Variants in SHANK2 observed in about 807,000 individuals in gnomAD.
SHANK2 encodes the protein SH3 and multiple ankyrin repeat domains protein 2.
SHANK2 carries 43 observed loss-of-function variants against 133.7 expected under a neutral mutation model. The ratio of observed to expected loss-of-function variants is 0.32; its 90% confidence interval spans 0.25 to 0.41. The LOEUF (loss-of-function observed/expected upper bound fraction) is 0.41. SHANK2 is among the 10% of genes least tolerant of loss of function. The pLI is 1.00. For missense variants in SHANK2, 1,994 were observed against 2,235.8 expected (o/e 0.89, Z 2.18); for synonymous variants, 1,017 against 952.8 (o/e 1.07, Z -1.24).
chr11:70,723,299 G>GTCCCTCTC (rs1555029687), intron 14 of SHANK2, among the ~76,000 whole-genome samples: 1 of 145,726 alleles, frequency 6.9e-6, no homozygotes, highest in Non-Finnish European at 1.5e-5. Context: ...TGGAGGGTCT[G>GTCCCTCTC]TCTCTCTCTC....
Position 71,086,184 on chromosome 11 carries a change from T to A in SHANK2, c.912+6238A>T, listed in dbSNP as rs1463323115. 8.2e-4 allele frequency among the ~76,000 whole-genome samples: 9 copies of A among 10,946 alleles called. No homozygotes were observed. The East Asian group carries it at 0.023, about 28-fold the overall frequency. 7.2% of individuals were successfully genotyped at this position (10,946 alleles called of 152,430 possible). On this transcript the variant is annotated intron_variant, in intron 8 of 25. Transcript: ENST00000601538. ...TTAAATTATATAATATATTATGTTATATAATATATTAAATTATATAATATA... is the reference window on the plus strand; with the variant it reads ...TTAAATTATATAATATATTATGTTAAATAATATATTAAATTATATAATATA...
At chr11:70,720,818 T>C (rs967302410) in intron 14 of SHANK2, among the ~76,000 whole-genome samples, 21 of 152,210 alleles carry the variant, frequency 1.4e-4, no homozygotes, top group Admixed American at 1.2e-3. Flanking sequence ...TATACACACA[T>C]GCTCACATAC....
chr11:70,945,676 G>A (rs1212417367), intron 10 of SHANK2, among the ~76,000 whole-genome samples: 1 of 152,176 alleles, frequency 6.6e-6, no homozygotes, highest in Non-Finnish European at 1.5e-5. Context: ...TGTGGGCAGG[G>A]TTGACCTCAG....
chr11:70,524,109 C>T (rs782628500), intron 17 of SHANK2, among the ~76,000 whole-genome samples: 4 of 152,212 alleles, frequency 2.6e-5, no homozygotes, highest in Non-Finnish European at 4.4e-5. Flanking sequence ...TCAGTCCTCA[C>T]TAGCACCCTA....
At chr11:71,086,354 TG>T (rs1336321399) in intron 8 of SHANK2, among the ~76,000 whole-genome samples, 1 of 125,990 alleles carries the variant, frequency 7.9e-6, no homozygotes, top group East Asian at 2.3e-4. Context: ...ATATAGTATA[TG>T]TTATATTATA....
chr11:70,816,658 A>T (rs1348986993), intron 12 of SHANK2, among the ~76,000 whole-genome samples: 1 of 152,194 alleles, frequency 6.6e-6, no homozygotes, highest in Non-Finnish European at 1.5e-5. Flanking sequence ...GAGGATGAAC[A>T]AGGAGCAGAG....
At chr11:70,664,284 GC>G (rs1944638479) in intron 15 of SHANK2, among the ~76,000 whole-genome samples, 1 of 152,160 alleles carries the variant, frequency 6.6e-6, no homozygotes, top group East Asian at 1.9e-4. Context: ...AGGGGAGTCA[GC>G]CCACCCCGGC....
At chr11:70,504,037 T>C (rs1302722281) in intron 17 of SHANK2, among the ~76,000 whole-genome samples, 2 of 152,156 alleles carry the variant, frequency 1.3e-5, no homozygotes, top group African/African-American at 4.8e-5. Context: ...GAGGCAGCTG[T>C]CTCTAGGTGG....
intron 11 of SHANK2, among the ~76,000 whole-genome samples, chr11:70,841,583 G>A (rs1555061706): frequency 6.6e-6 from 1 of 152,212 alleles, no homozygotes; most frequent in East Asian, 1.9e-4. Flanking sequence ...ATTCCAGGAG[G>A]GTCTCCACCT....
At chr11:70,665,849 C>T (rs1243491620) in intron 15 of SHANK2, among the ~76,000 whole-genome samples, 8 of 152,172 alleles carry the variant, frequency 5.3e-5, no homozygotes, top group Admixed American at 4.6e-4. Context: ...TTAGCATCCC[C>T]GTCCACCTTC....
chr11:70,842,671 C>T (rs1948925396), intron 11 of SHANK2, among the ~76,000 whole-genome samples: 1 of 152,206 alleles, frequency 6.6e-6, no homozygotes, highest in Non-Finnish European at 1.5e-5. Flanking sequence ...CCTGCTGTGC[C>T]ACCTGGGATT....
intron 10 of SHANK2, chr11:70,910,915 C>A (rs563889378): frequency 4.5e-6 from 2 of 447,966 alleles, no homozygotes; most frequent in Non-Finnish European, 9.0e-6. Context: ...TGTGTGTGTG[C>A]GCGTGCATGT....
intron 5 of SHANK2, among the ~76,000 whole-genome samples, chr11:71,112,856 G>A (rs549326427): frequency 3.3e-5 from 5 of 152,186 alleles, no homozygotes; most frequent in East Asian, 3.9e-4. Flanking sequence ...TCTGTGCAAC[G>A]CCCCTGCTGC....
At chr11:70,942,226 T>C (rs1406900305) in intron 10 of SHANK2, among the ~76,000 whole-genome samples, 1 of 152,074 alleles carries the variant, frequency 6.6e-6, no homozygotes, top group African/African-American at 2.4e-5. Context: ...TTTATTTAGC[T>C]CAAGGTTCTG....
chr11:70,918,636 G>T (rs1034953684), intron 10 of SHANK2, among the ~76,000 whole-genome samples: 5 of 152,004 alleles, frequency 3.3e-5, no homozygotes, highest in Admixed American at 3.3e-4. Flanking sequence ...CTCCTGAGTA[G>T]CTGGGACTAC....
chr11:71,175,594 GAGAGAGAGAC>G lies in SHANK2; in HGVS notation c.-12-28266_-12-28257del, dbSNP rs1208537197. Among the ~76,000 whole-genome samples, 62 of 143,318 alleles carry G rather than the reference GAGAGAGAGAC, an allele frequency of 4.3e-4. 1 individual carries two copies. The highest frequency in any genetic ancestry group is 1.1e-3 in the African/African-American group (44 of 38,368). 94.0% of individuals were successfully genotyped at this position (143,318 alleles called of 152,430 possible). ...AGAGAGAGAGAGAGAGAGAGAGAGA[GAGAGAGAGAC>G]AGAGACAGAGACATCGCTTCCAGCC... On this transcript the variant is annotated intron_variant, in intron 2 of 25. Coordinates refer to ENST00000601538, the MANE Select transcript of SHANK2 (RefSeq NM_012309.5). This position sits in a 1 kb window ranked among gnomAD's most constrained non-coding sequence, Gnocchi z 4.2.
intron 1 of SHANK2, among the ~76,000 whole-genome samples, chr11:71,246,392 G>C (rs1363036904): frequency 3.3e-5 from 5 of 152,018 alleles, no homozygotes; most frequent in Non-Finnish European, 5.9e-5. Context: ...ACGTGGGGCA[G>C]GACACCCCCA....
rs548331487 is a variant in SHANK2, at chr11:71,228,921, A to G, written c.-112-4125T>C. On this transcript the variant is annotated intron_variant, in intron 1 of 25. Transcript: ENST00000601538. ...ACCATGACTAAATGGCATTTATTCT[A>G]GGGATGCCAGGCTGTTTCAATATTT... Among the ~76,000 whole-genome samples the G allele has an allele frequency of 6.8e-4, 104 of 152,348 alleles. 1 individual carries two copies. Among genetic ancestry groups the G allele is most frequent in the Non-Finnish European group, 1.0e-4 (7 of 68,042 alleles).
intron 11 of SHANK2, among the ~76,000 whole-genome samples, chr11:70,837,552 A>G (rs1312071775): frequency 6.6e-6 from 1 of 152,162 alleles, no homozygotes; most frequent in Non-Finnish European, 1.5e-5. Flanking sequence ...TTTATTGAAC[A>G]TTGAAGTTAT....
Sources: allele counts gnomAD v4.1 joint callset (sites outside exome capture counted in the v4.1 genomes callset), GRCh38; gene constraint gnomAD v4.1.1; non-coding constraint Gnocchi (gnomAD v3.1); transcripts MANE v1.5; gene names NCBI Gene and HGNC (gene_info 2026-07-23, HGNC 2026-07-21).